Variants in CTPS1 observed in about 807,000 individuals in gnomAD.
CTPS1 encodes CTP synthase 1.
In CTPS1, 25 loss-of-function variants were observed where a neutral mutation model predicts 80.5. That is an observed-to-expected ratio of 0.31 (90% CI 0.23 to 0.43). The LOEUF (loss-of-function observed/expected upper bound fraction) is 0.43, where lower values mean the gene tolerates loss of function less well. Ranked by LOEUF, CTPS1 falls within the 20% of genes least tolerant of loss-of-function variation. The pLI, the probability that CTPS1 is intolerant of heterozygous loss-of-function variation, is 1.00. For missense variants in CTPS1, 442 were observed against 725.7 expected, an observed-to-expected ratio of 0.61 and a Z score of 4.49; for synonymous variants, 267 against 252.5, an observed-to-expected ratio of 1.06 and a Z score of -0.54.
At chr1:40,996,422 C>T (rs1009705632) in intron 8 of CTPS1, among the ~76,000 whole-genome samples, 5 of 152,180 alleles carry the variant, frequency 3.3e-5, no homozygotes, top group Non-Finnish European at 4.4e-5. Context: ...GTGGCTGGAG[C>T]ACTCCTGGGT....
Position 40,988,715 on chromosome 1 carries a change from G to A in CTPS1, c.555+5G>A, listed in dbSNP as rs1292013147. 3.8e-6 allele frequency: 6 copies of A among 1,589,180 alleles called. No homozygotes were observed. The South Asian group carries it at 6.6e-5, about 18-fold the overall frequency. On this transcript the variant is annotated splice_donor_5th_base_variant and intron_variant, in intron 5 of 18. Coordinates refer to ENST00000650070, the MANE Select transcript of CTPS1 (RefSeq NM_001905.4). ...CACGTCAGTCTAGTTCCCCAGGTAAGTAAGACATTGAAAGTTTTACTTTGG... is the reference window on the plus strand; with the variant it reads ...CACGTCAGTCTAGTTCCCCAGGTAAATAAGACATTGAAAGTTTTACTTTGG...
rs776721406 is a variant in CTPS1, at chr1:41,010,155, C to T, written c.1692-6C>T. 3.1e-6 allele frequency: 5 copies of T among 1,610,312 alleles called. No homozygotes were observed. The highest frequency in any genetic ancestry group is 4.2e-6 in the Non-Finnish European group (5 of 1,176,846). ...AGATGATGCGTAAACCATCTGAATTCTACAGGGACACCTATAGTGACAGGA... is the reference window on the plus strand; with the variant it reads ...AGATGATGCGTAAACCATCTGAATTTTACAGGGACACCTATAGTGACAGGA... On this transcript the variant is annotated splice_polypyrimidine_tract_variant and splice_region_variant and intron_variant, in intron 17 of 18. Coordinates refer to ENST00000650070, the MANE Select transcript of CTPS1 (RefSeq NM_001905.4).
Position 40,983,419 on chromosome 1 carries a change from T to G in CTPS1, c.129T>G (p.Ile43Met). The G allele has an allele frequency of 6.2e-7, 1 of 1,613,742 alleles. No individual in the cohort carries two copies. Among genetic ancestry groups the G allele is most frequent in the Non-Finnish European group, 8.5e-7 (1 of 1,179,756 alleles). The change falls in exon 2 of 19, where the codon ATT becomes ATG. Residue 43 changes from isoleucine to methionine, a missense_variant. Transcript: ENST00000650070. ...CTTCAATCAAAATTGACCCCTACAT[T>G]AACATTGATGCAGGAACATTCTCTC... ...HVTSIKIDPY[I>M]NIDAGTFSPY... is the part of the protein sequence containing the mutation.
At chr1:40,986,962 G>A (rs1017873133) in intron 3 of CTPS1, among the ~76,000 whole-genome samples, 6 of 152,134 alleles carry the variant, frequency 3.9e-5, no homozygotes, top group African/African-American at 1.4e-4. Flanking sequence ...TCTACCCTTT[G>A]GTAAACTGGA....
At chr1:41,006,934 G>A (rs1482218235) in intron 13 of CTPS1, among the ~76,000 whole-genome samples, 1 of 152,144 alleles carries the variant, frequency 6.6e-6, no homozygotes, top group Non-Finnish European at 1.5e-5. Flanking sequence ...GGGGTCAGGA[G>A]GAACAGGGCA....
chr1:40,991,327 T>G, intron 6 of CTPS1, 79 bp downstream of exon 6: 1 of 1,105,578 alleles, frequency 9.0e-7, no homozygotes, highest in Non-Finnish European at 1.3e-6. Flanking sequence ...GACAAGACCT[T>G]TGTCTTGTTG....
At chr1:40,994,793 G>A (rs561724413) in intron 7 of CTPS1, among the ~76,000 whole-genome samples, 1 of 152,228 alleles carries the variant, frequency 6.6e-6, no homozygotes, top group African/African-American at 2.4e-5. Flanking sequence ...TAAACCATGT[G>A]ATGTTTACTG....
At chr1:40,996,669 C>T (rs542881898) in intron 8 of CTPS1, among the ~76,000 whole-genome samples, 3 of 152,288 alleles carry the variant, frequency 2.0e-5, no homozygotes, top group Admixed American at 1.3e-4. Context: ...ATACTCATTC[C>T]GTTGCTCTGT....
Position 40,979,848 on chromosome 1 carries a change from T to C in CTPS1, c.-14+19T>C, listed in dbSNP as rs1435794892. On this transcript the variant is annotated intron_variant, in intron 1 of 18. Coordinates refer to ENST00000650070, the MANE Select transcript of CTPS1 (RefSeq NM_001905.4). ...GCCGCAGGTAGGCTGACTCCAGGGATCCCGGGGGGGATCTGTTCTCCCGCG... is the reference window on the plus strand; with the variant it reads ...GCCGCAGGTAGGCTGACTCCAGGGACCCCGGGGGGGATCTGTTCTCCCGCG... 2 of 152,048 alleles carry C rather than the reference T, an allele frequency of 1.3e-5. No individual in the cohort carries two copies. The highest frequency in any genetic ancestry group is 6.5e-5 in the Admixed American group (1 of 15,274). The allele number at this position is 152,048 out of a possible 1,614,324, so 9.4% of individuals were successfully genotyped here. A position where few individuals can be genotyped will look rare whatever the true frequency, so the allele number is the denominator to read the frequency against.
chr1:40,998,242 C>G (rs898579750), intron 9 of CTPS1, among the ~76,000 whole-genome samples: 1 of 151,940 alleles, frequency 6.6e-6, no homozygotes, highest in African/African-American at 2.4e-5. Flanking sequence ...ACTTACAATA[C>G]AAAACATTAG....
chr1:41,002,262 G>T lies in CTPS1; in HGVS notation c.1189+8G>T. 1.2e-6 allele frequency: 2 copies of T among 1,610,136 alleles called. No individual in the cohort carries two copies. The highest frequency in any genetic ancestry group is 1.7e-6 in the Non-Finnish European group (2 of 1,176,484). ...AGAAAAAGCCTTTTTTGGGTAAGGAGCTCTGCAGTGCAGTCTTCACTTAAG... is the reference window on the plus strand; with the variant it reads ...AGAAAAAGCCTTTTTTGGGTAAGGATCTCTGCAGTGCAGTCTTCACTTAAG... On this transcript the variant is annotated splice_region_variant and intron_variant, in intron 11 of 18. Coordinates refer to ENST00000650070, the MANE Select transcript of CTPS1 (RefSeq NM_001905.4).
Position 41,007,370 on chromosome 1 carries a change from C to T in CTPS1, c.1297-79C>T. The T allele has an allele frequency of 1.7e-6, 2 of 1,203,128 alleles. No homozygotes were observed. Among genetic ancestry groups the T allele is most frequent in the African/African-American group, 1.5e-5 (1 of 66,820 alleles). 74.5% of individuals were successfully genotyped at this position (1,203,128 alleles called of 1,614,324 possible). A position where few individuals can be genotyped will look rare whatever the true frequency, so the allele number is the denominator to read the frequency against. On this transcript the variant is annotated intron_variant, in intron 13 of 18. Transcript: ENST00000650070. This position sits in a 1 kb window ranked among gnomAD's most constrained non-coding sequence, Gnocchi z 4.4. ...ATTAGAGCTTACTTACAAGCCTTTG[C>T]CACCCACTCAGCGAGGGAGGTTTCT...
chr1:40,995,786 G>T, intron 7 of CTPS1, 131 bp from the exon 8 acceptor site: 1 of 829,236 alleles, frequency 1.2e-6, no homozygotes, highest in Non-Finnish European at 1.9e-6. Context: ...TGTTTTAGTA[G>T]TTTATCTAGA....
At chr1:40,982,695 A>G (rs1642349342) in intron 1 of CTPS1, among the ~76,000 whole-genome samples, 1 of 152,192 alleles carries the variant, frequency 6.6e-6, no homozygotes, top group Non-Finnish European at 1.5e-5. Flanking sequence ...CAGCCAGAGA[A>G]CTACTTTTAA....
intron 7 of CTPS1, among the ~76,000 whole-genome samples, chr1:40,992,828 G>A (rs1384482877): frequency 6.6e-6 from 1 of 151,528 alleles, no homozygotes; most frequent in Admixed American, 6.6e-5. Flanking sequence ...CGAGTAGCTT[G>A]GATTACAGGT....
chr1:40,981,533 C>G (rs145964527), intron 1 of CTPS1, among the ~76,000 whole-genome samples: 2 of 151,984 alleles, frequency 1.3e-5, no homozygotes, highest in Admixed American at 1.3e-4. Context: ...CTAAAATGTA[C>G]CTAAGACTGA....
intron 14 of CTPS1, among the ~76,000 whole-genome samples, chr1:41,008,395 C>T (rs1356177308): frequency 6.6e-6 from 1 of 152,226 alleles, no homozygotes; most frequent in Non-Finnish European, 1.5e-5. Context: ...AGTGCCCATA[C>T]TTTGCAATCA....
At chr1:40,985,248 A>G (rs1055913143) in intron 3 of CTPS1, among the ~76,000 whole-genome samples, 5 of 152,274 alleles carry the variant, frequency 3.3e-5, no homozygotes, top group African/African-American at 1.2e-4. Flanking sequence ...CTAAGGCAGC[A>G]TGATACGAGT....
Position 40,983,466 on chromosome 1 carries a change from G to T in CTPS1, c.166+10G>T. ...TCTCCTTATGAGCATGGTAAGCACA[G>T]TGGATTTCTTCATAATAATTGCATG... is the stretch of plus-strand genomic sequence containing the variant. On this transcript the variant is annotated intron_variant, in intron 2 of 18. Transcript: ENST00000650070. 1.3e-6 allele frequency: 2 copies of T among 1,590,194 alleles called. No homozygotes were observed. Among genetic ancestry groups the T allele is most frequent in the Non-Finnish European group, 1.7e-6 (2 of 1,164,512 alleles).
Sources: gnomAD v4.1 joint callset for allele counts (sites outside exome capture counted in the v4.1 genomes callset) on GRCh38, gnomAD v4.1.1 for gene constraint, Gnocchi (gnomAD v3.1) non-coding constraint, MANE v1.5 for transcripts, NCBI Gene and HGNC (gene_info 2026-07-23, HGNC 2026-07-21) for gene names.